The following WDFY1 variants were observed in gnomAD, a reference collection of about 807,000 sequenced individuals.
The protein encoded by WDFY1 is WD repeat and FYVE domain-containing protein 1.
Under a neutral mutation model 56.4 loss-of-function variants are expected in WDFY1, and 32 were observed. The observed-to-expected ratio is 0.57, with a 90% CI of 0.43 to 0.76. The LOEUF is 0.76. Ranked by LOEUF, WDFY1 falls within the 30% of genes least tolerant of loss-of-function variation. The pLI is 0.00. For missense variants in WDFY1, 480 were observed against 545.7 expected (o/e 0.88, Z 1.20); for synonymous variants, 192 against 197.3 (o/e 0.97, Z 0.23).
chr2:223,876,844 C>G lies in WDFY1; in HGVS notation c.*1827G>C, dbSNP rs1027462477. On this transcript the variant is annotated 3_prime_UTR_variant, in exon 12 of 12. Transcript: ENST00000233055. ...TTCCTTTCAGGAATTCATAAAATCC[C>G]TAGGATAGCACCTTTGTATGGGCTG... The G allele has an allele frequency of 6.6e-6, 1 of 152,150 alleles. No individual in the cohort carries two copies. The highest frequency in any genetic ancestry group is 1.5e-5 in the Non-Finnish European group (1 of 68,026). 9.4% of individuals were successfully genotyped at this position (152,150 alleles called of 1,614,324 possible). A position where few individuals can be genotyped will look rare whatever the true frequency, so the allele number is the denominator to read the frequency against.
chr2:223,919,004 C>G (rs1693842890), intron 1 of WDFY1, among the ~76,000 whole-genome samples: 1 of 152,220 alleles, frequency 6.6e-6, no homozygotes, highest in Non-Finnish European at 1.5e-5. Context: ...GTTTAATATT[C>G]AGGTTTATGA....
intron 4 of WDFY1, among the ~76,000 whole-genome samples, chr2:223,905,079 A>C (rs1423515809): frequency 6.6e-6 from 1 of 152,236 alleles, no homozygotes; most frequent in African/African-American, 2.4e-5. Context: ...GTCAACATTA[A>C]ATAAAGCTTA....
chr2:223,901,741 T>C (rs927005411), intron 4 of WDFY1, among the ~76,000 whole-genome samples: 1 of 152,120 alleles, frequency 6.6e-6, no homozygotes, highest in African/African-American at 2.4e-5. Flanking sequence ...GTTTTAATCG[T>C]CTGTAACTTC....
intron 2 of WDFY1, among the ~76,000 whole-genome samples, chr2:223,913,993 CTTT>C (rs386392770): frequency 3.1e-4 from 27 of 88,142 alleles, no homozygotes; most frequent in African/African-American, 1.2e-3. Flanking sequence ...AATCAGTTAG[CTTT>C]TTTTTTTTTT....
At chr2:223,894,887 A>T (rs1574762399) in intron 7 of WDFY1, among the ~76,000 whole-genome samples, 1 of 152,180 alleles carries the variant, frequency 6.6e-6, no homozygotes, top group Non-Finnish European at 1.5e-5. Context: ...ATGTTTCCTC[A>T]GCTAATTTTC....
chr2:223,879,826 CA>C (rs1296621940), intron 11 of WDFY1, among the ~76,000 whole-genome samples: 4 of 152,250 alleles, frequency 2.6e-5, no homozygotes, highest in South Asian at 2.1e-4. Context: ...TGAGATGGGT[CA>C]GGGGTGAGGA....
At chr2:223,897,526 C>A (rs931365625) in intron 6 of WDFY1, among the ~76,000 whole-genome samples, 2 of 151,510 alleles carry the variant, frequency 1.3e-5, no homozygotes. Context: ...ACTACAGGCA[C>A]CTGCCAACGT....
At chr2:223,933,309 C>G (rs566402902) in intron 1 of WDFY1, among the ~76,000 whole-genome samples, 1 of 151,406 alleles carries the variant, frequency 6.6e-6, no homozygotes, top group Non-Finnish European at 1.5e-5. Flanking sequence ...AAACAAATAT[C>G]ACCCTTCCAG....
rs752853582 is a variant in WDFY1 at position 223,945,326 on chromosome 2, A to C, written c.-42T>G. ...CTGCGGCCTCCTCGGCAGGCAGCCC[A>C]TCAGCTGACGCCTGGGCGGGCGGGG... On this transcript the variant is annotated 5_prime_UTR_variant, in exon 1 of 12. An upstream start codon of the reference 5' UTR is lost. Coordinates refer to ENST00000233055, the MANE Select transcript of WDFY1 (RefSeq NM_020830.5). The C allele has an allele frequency of 3.3e-6, 5 of 1,532,858 alleles. No individual in the cohort carries two copies. The highest frequency in any genetic ancestry group is 2.6e-6 in the Non-Finnish European group (3 of 1,149,044). 95.0% of individuals were successfully genotyped at this position (1,532,858 alleles called of 1,614,324 possible).
intron 1 of WDFY1, among the ~76,000 whole-genome samples, chr2:223,928,955 C>G (rs934734428): frequency 6.6e-6 from 1 of 152,140 alleles, no homozygotes; most frequent in East Asian, 1.9e-4. Context: ...GGACACCAGA[C>G]TAGAGGTGCC....
At chr2:223,913,439 G>A (rs1487021280) in intron 2 of WDFY1, among the ~76,000 whole-genome samples, 2 of 152,068 alleles carry the variant, frequency 1.3e-5, no homozygotes, top group South Asian at 2.1e-4. Context: ...TGAAAGGTAC[G>A]TACTGAAATT....
chr2:223,942,680 C>T (rs1383995681), intron 1 of WDFY1, among the ~76,000 whole-genome samples: 2 of 142,152 alleles, frequency 1.4e-5, no homozygotes, highest in African/African-American at 2.6e-5. Context: ...GGACTACAGG[C>T]GCCCGCCACC....
chr2:223,905,915 T>C (rs761001865), intron 4 of WDFY1, 32 bp downstream of exon 4: 1 of 1,443,446 alleles, frequency 6.9e-7, no homozygotes, highest in Non-Finnish European at 9.4e-7. Flanking sequence ...TCTACATGTA[T>C]GTGTACGCAA....
intron 1 of WDFY1, among the ~76,000 whole-genome samples, chr2:223,921,657 CA>C (rs1693887337): frequency 6.6e-6 from 1 of 151,082 alleles, no homozygotes; most frequent in South Asian, 2.1e-4. Context: ...GTGGTGTGAT[CA>C]CAGCTCACTG....
chr2:223,928,612 T>G (rs1045883126), intron 1 of WDFY1, among the ~76,000 whole-genome samples: 4 of 152,200 alleles, frequency 2.6e-5, no homozygotes, highest in Admixed American at 2.6e-4. Flanking sequence ...ATTCTACATG[T>G]TAAAATGTTC....
chr2:223,884,538 A>T (rs1420610134), intron 9 of WDFY1, 110 bp downstream of exon 9: 2 of 964,732 alleles, frequency 2.1e-6, no homozygotes, highest in Non-Finnish European at 1.6e-6. Flanking sequence ...AAAATGTAGG[A>T]ATTAATAGCA....
chr2:223,903,720 G>A (rs568005343), intron 4 of WDFY1, among the ~76,000 whole-genome samples: 1 of 149,374 alleles, frequency 6.7e-6, no homozygotes, highest in African/African-American at 2.5e-5. Context: ...GTCTGATGAT[G>A]GTTCATTGTA....
intron 1 of WDFY1, among the ~76,000 whole-genome samples, chr2:223,920,379 C>T (rs1002041825): frequency 5.9e-5 from 9 of 152,126 alleles, no homozygotes; most frequent in Non-Finnish European, 1.2e-4. Context: ...CCCTGGTGGC[C>T]AAAACATAGA....
intron 7 of WDFY1, among the ~76,000 whole-genome samples, chr2:223,895,160 T>C (rs897047563): frequency 1.3e-5 from 2 of 152,178 alleles, no homozygotes; most frequent in Admixed American, 6.5e-5. Flanking sequence ...CAACCTTCCA[T>C]GGTCAAAGTC....
Sources: allele counts gnomAD v4.1 joint callset (sites outside exome capture counted in the v4.1 genomes callset), GRCh38; gene constraint gnomAD v4.1.1; transcripts MANE v1.5; gene names NCBI Gene and HGNC (gene_info 2026-07-23, HGNC 2026-07-21).